PCMT1: variants seen among roughly 807,000 people sequenced by gnomAD.
PCMT1 encodes protein-L-isoaspartate (D-aspartate) O-methyltransferase.
A neutral mutation model predicts 29.2 loss-of-function variants in PCMT1; 9 were observed. The ratio of observed to expected loss-of-function variants is 0.31; its 90% CI spans 0.19 to 0.54. PCMT1 has a LOEUF of 0.54. Ranked by LOEUF, PCMT1 falls within the 20% of genes least tolerant of loss-of-function variation. PCMT1 has a pLI of 0.95. For missense variants in PCMT1, 184 were observed against 282.2 expected, an observed-to-expected ratio of 0.65 and a Z score of 2.49; for synonymous variants, 98 against 97.5, an observed-to-expected ratio of 1.00 and a Z score of -0.03.
chr6:149,751,338 G>C (rs1037894280), intron 1 of PCMT1, among the ~76,000 whole-genome samples: 1 of 151,392 alleles, frequency 6.6e-6, no homozygotes, highest in Non-Finnish European at 1.5e-5. Flanking sequence ...ATTTTTTTTT[G>C]AATTTTCTCT....
intron 1 of PCMT1, among the ~76,000 whole-genome samples, chr6:149,752,875 A>G (rs981902209): frequency 2.0e-5 from 3 of 152,178 alleles, no homozygotes; most frequent in Non-Finnish European, 4.4e-5. Context: ...TGGTTTCATA[A>G]TCACTTTAAT....
At position 149,793,149 on chromosome 6, in the gene PCMT1, C is replaced by T. The variant is rs897922548; in HGVS notation, c.298-400C>T. ...CTGTACTCCAGCCTGGGTGACAGAG[C>T]GAGACTCTCTCTCAAAAAAAAAAAA... On this transcript the variant is annotated intron_variant, in intron 4 of 7. Coordinates refer to ENST00000464889, the MANE Select transcript of PCMT1 (RefSeq NM_001360452.2). Among the ~76,000 whole-genome samples the T allele has an allele frequency of 1.5e-4, 19 of 126,128 alleles. No homozygotes were observed. In the East Asian group the frequency reaches 3.7e-3, roughly 24 times the overall value. 82.7% of individuals were successfully genotyped at this position (126,128 alleles called of 152,430 possible).
intron 3 of PCMT1, among the ~76,000 whole-genome samples, chr6:149,782,740 G>T (rs1302583153): frequency 4.0e-5 from 6 of 151,878 alleles, no homozygotes; most frequent in Admixed American, 3.3e-4. Flanking sequence ...AAAAATTTGT[G>T]AGTCTATGGA....
intron 6 of PCMT1, among the ~76,000 whole-genome samples, chr6:149,800,560 A>G (rs1050642645): frequency 1.3e-5 from 2 of 152,208 alleles, no homozygotes; most frequent in African/African-American, 2.4e-5. Flanking sequence ...AGTGATGCGT[A>G]AAGCTATATG....
At chr6:149,772,273 C>T in intron 2 of PCMT1, 1 of 339,230 alleles carries the variant, frequency 2.9e-6, no homozygotes, top group Admixed American at 4.3e-5. Flanking sequence ...GAAAGCAACA[C>T]CACAAGAAAA....
At chr6:149,769,852 C>G (rs1239113839) in intron 1 of PCMT1, among the ~76,000 whole-genome samples, 1 of 150,084 alleles carries the variant, frequency 6.7e-6, no homozygotes, top group Non-Finnish European at 1.5e-5. Flanking sequence ...CCCTGTTGGC[C>G]TCCCCAGGCT....
chr6:149,800,704 A>G (rs1236713058), intron 6 of PCMT1, among the ~76,000 whole-genome samples: 1 of 152,166 alleles, frequency 6.6e-6, no homozygotes. Context: ...TTATGGTACC[A>G]GTAAACCTCA....
intron 7 of PCMT1, among the ~76,000 whole-genome samples, chr6:149,809,740 T>C (rs1175405068): frequency 1.3e-5 from 2 of 152,174 alleles, no homozygotes; most frequent in Non-Finnish European, 2.9e-5. Flanking sequence ...CCTAAATCTC[T>C]TCATCCAGAG....
At chr6:149,807,129 G>C (rs1231924673) in intron 7 of PCMT1, among the ~76,000 whole-genome samples, 1 of 152,098 alleles carries the variant, frequency 6.6e-6, no homozygotes, top group Non-Finnish European at 1.5e-5. Flanking sequence ...ATGTAGACTT[G>C]AGTCTTTTTA....
chr6:149,757,068 C>A (rs1276272402), intron 1 of PCMT1, among the ~76,000 whole-genome samples: 4 of 152,088 alleles, frequency 2.6e-5, no homozygotes, highest in Non-Finnish European at 5.9e-5. Context: ...GCAGGAGAAT[C>A]GCTTGAACCC....
Position 149,762,932 on chromosome 6 carries a change from A to G in PCMT1, c.56-8230A>G, listed in dbSNP as rs187949626. On this transcript the variant is annotated intron_variant, in intron 1 of 7. Coordinates refer to ENST00000464889, the MANE Select transcript of PCMT1 (RefSeq NM_001360452.2). ...TCTATGATATATATATCTATGATAT[A>G]TATGATATATATATCTATGATATGT... is the stretch of plus-strand genomic sequence containing the variant. Among the ~76,000 whole-genome samples the G allele has an allele frequency of 6.9e-5, 4 of 58,222 alleles. No individual in the cohort carries two copies. The South Asian group carries it at 1.5e-3, about 22-fold the overall frequency. The allele number at this position is 58,222 out of a possible 152,430, so 38.2% of individuals were successfully genotyped here. A position where few individuals can be genotyped will look rare whatever the true frequency, so the allele number is the denominator to read the frequency against.
chr6:149,800,767 T>C (rs1431749665), intron 6 of PCMT1, among the ~76,000 whole-genome samples: 1 of 152,126 alleles, frequency 6.6e-6, no homozygotes, highest in African/African-American at 2.4e-5. Flanking sequence ...CCCTAGATTC[T>C]ACAATAATAG....
At chr6:149,768,695 C>T (rs569647256) in intron 1 of PCMT1, among the ~76,000 whole-genome samples, 105 of 151,830 alleles carry the variant, frequency 6.9e-4, no homozygotes, top group Non-Finnish European at 1.3e-3. Context: ...GGCATGATCT[C>T]GGCTCACTGC....
At chr6:149,779,207 A>G (rs1056656258) in intron 3 of PCMT1, among the ~76,000 whole-genome samples, 106 of 151,756 alleles carry the variant, frequency 7.0e-4, no homozygotes, top group Non-Finnish European at 1.3e-4. Flanking sequence ...CACAAAGTTG[A>G]TAAGCAATTG....
intron 5 of PCMT1, among the ~76,000 whole-genome samples, chr6:149,794,558 C>T (rs1299728229): frequency 2.6e-5 from 4 of 152,096 alleles, no homozygotes; most frequent in African/African-American, 7.2e-5. Context: ...GTGGAGGTTG[C>T]AGTAAGCTGA....
At chr6:149,753,608 G>A (rs1786413580) in intron 1 of PCMT1, among the ~76,000 whole-genome samples, 1 of 152,206 alleles carries the variant, frequency 6.6e-6, no homozygotes, top group African/African-American at 2.4e-5. Flanking sequence ...TGGGATTACA[G>A]GCATGATCCA....
rs1788474538 is a variant in PCMT1 at position 149,793,612 on chromosome 6, A to C, written c.361A>C (p.Asn121His). Residue 121 changes from asparagine to histidine, a missense_variant, in exon 5 of 8, where the codon AAT (asparagine) becomes CAT (histidine). Coordinates refer to ENST00000464889, the MANE Select transcript of PCMT1 (RefSeq NM_001360452.2). The stretch of plus-strand genomic sequence containing the variant: ...TAAAGAGCTAGTAGATGACTCAGTA[A>C]ATAATGTCAGGAAGGACGATCCAAC... ...HIKELVDDSV[N>H]NVRKDDPTLL... 6 of 1,570,896 alleles carry C rather than the reference A, an allele frequency of 3.8e-6. No individual in the cohort carries two copies. Among genetic ancestry groups the C allele is most frequent in the Non-Finnish European group, 5.1e-6 (6 of 1,166,462 alleles).
At chr6:149,775,649 A>C (rs561380408) in intron 3 of PCMT1, among the ~76,000 whole-genome samples, 1 of 152,266 alleles carries the variant, frequency 6.6e-6, no homozygotes, top group South Asian at 2.1e-4. Context: ...TTGAGGCTGC[A>C]GTGAGCCATG....
chr6:149,753,458 G>A (rs548569429), intron 1 of PCMT1, among the ~76,000 whole-genome samples: 2 of 151,736 alleles, frequency 1.3e-5, no homozygotes, highest in South Asian at 2.1e-4. Context: ...TCAGCCTCCC[G>A]AGTAGCTGGG....
Sources: gnomAD v4.1 joint callset for allele counts (sites outside exome capture counted in the v4.1 genomes callset) on GRCh38, gnomAD v4.1.1 for gene constraint, MANE v1.5 for transcripts, NCBI Gene and HGNC (gene_info 2026-07-23, HGNC 2026-07-21) for gene names.